Variants in TMEM47 observed in about 807,000 individuals in gnomAD.
TMEM47 encodes brain cell membrane protein 1.
Under a neutral mutation model 12.4 loss-of-function variants are expected in TMEM47, and 3 were observed. The observed-to-expected ratio is 0.24, with a 90% CI of 0.11 to 0.63. The LOEUF is 0.63. Among genes scored for constraint, TMEM47 ranks in the 20% least tolerant of loss-of-function variants. TMEM47 has a pLI of 0.86. For synonymous variants in TMEM47, 62 were observed against 63.3 expected (o/e 0.98, Z 0.10); for missense variants, 89 against 143.8 (o/e 0.62, Z 1.95).
intron 2 of TMEM47, among the ~76,000 whole-genome samples, chrX:34,633,785 C>T (rs1026386479): frequency 2.7e-5 from 3 of 111,074 alleles, no homozygotes; most frequent in Non-Finnish European, 5.7e-5. Context: ...TAATTTCCCT[C>T]TAGTGGAAAA....
intron 2 of TMEM47, 139 bp downstream of exon 2, chrX:34,639,108 A>C: frequency 2.6e-6 from 2 of 763,375 alleles, no homozygotes; most frequent in Non-Finnish European, 3.7e-6. Flanking sequence ...CCTTTAGCCA[A>C]GTTACCTTAA....
Position 34,628,356 on chromosome X carries a change from C to A in TMEM47, c.*1957G>T, listed in dbSNP as rs1921546929. The A allele has an allele frequency of 8.9e-6, 1 of 111,751 alleles. No homozygotes were observed. Among genetic ancestry groups the A allele is most frequent in the East Asian group, 2.8e-4 (1 of 3,551 alleles). 9.2% of individuals were successfully genotyped at this position (111,751 alleles called of 1,213,427 possible). On this transcript the variant is annotated 3_prime_UTR_variant, in exon 3 of 3. Transcript: ENST00000275954. ...GCTTCAAAAGACTCTATAATACTATCTTTCTGGAGAATTTCCACTCATAAT... is the reference window on the plus strand; with the variant it reads ...GCTTCAAAAGACTCTATAATACTATATTTCTGGAGAATTTCCACTCATAAT...
chrX:34,635,864 C>T (rs1921706600), intron 2 of TMEM47, among the ~76,000 whole-genome samples: 1 of 111,047 alleles, frequency 9.0e-6, no homozygotes, highest in Non-Finnish European at 1.9e-5. Context: ...AATTTAAAGG[C>T]AAAGGTTGAT....
intron 2 of TMEM47, among the ~76,000 whole-genome samples, chrX:34,637,114 C>T (rs915427204): frequency 9.0e-6 from 1 of 111,526 alleles, no homozygotes; most frequent in Non-Finnish European, 1.9e-5. Flanking sequence ...GTGTCTAGCA[C>T]GTGGCACATG....
In TMEM47 at chrX:34,630,394, C is replaced by T; in HGVS notation, c.465G>A (p.Leu155=). The T allele has an allele frequency of 8.3e-7, 1 of 1,210,687 alleles. No homozygotes were observed. The highest frequency in any genetic ancestry group is 1.1e-6 in the Non-Finnish European group (1 of 894,920). ...ACGAAAATATAGTTGCACCCCAGGCCAGGCCATAACCCCAGTTGAACTCAT... is the reference window on the plus strand; with the variant it reads ...ACGAAAATATAGTTGCACCCCAGGCTAGGCCATAACCCCAGTTGAACTCAT... ...IYHEFNWGYG[L]AWGATIFSFG... is the part of the protein sequence containing the mutation. The change falls in exon 3 of 3, where the codon CTG becomes CTA. Residue 155 remains leucine, a synonymous_variant. Transcript: ENST00000275954.
chrX:34,632,632 C>A (rs1283506978), intron 2 of TMEM47, among the ~76,000 whole-genome samples: 1 of 111,696 alleles, frequency 9.0e-6, no homozygotes, highest in Non-Finnish European at 1.9e-5. Flanking sequence ...CTTTGCCTAC[C>A]ATTACTACTG....
At chrX:34,649,406 G>C (rs905157381) in intron 1 of TMEM47, among the ~76,000 whole-genome samples, 6 of 111,467 alleles carry the variant, frequency 5.4e-5, no homozygotes, top group African/African-American at 1.6e-4. Flanking sequence ...TGGGAACATG[G>C]AAGGAGCTGG....
At chrX:34,649,507 G>A (rs1921976158) in intron 1 of TMEM47, among the ~76,000 whole-genome samples, 1 of 110,469 alleles carries the variant, frequency 9.1e-6, no homozygotes, top group African/African-American at 3.3e-5. Context: ...ATGAGAACTC[G>A]TGAACACAAA....
intron 2 of TMEM47, among the ~76,000 whole-genome samples, chrX:34,634,525 C>T (rs1001588629): frequency 5.3e-5 from 6 of 112,340 alleles, no homozygotes; most frequent in African/African-American, 1.9e-4. Flanking sequence ...ACATGGCCCT[C>T]GCCCTTTGAT....
At chrX:34,634,484 C>CTGT (rs34584128) in intron 2 of TMEM47, among the ~76,000 whole-genome samples, 35,884 of 111,171 alleles carry the variant, frequency 0.32, 4,362 homozygotes, top group East Asian at 0.65. Context: ...TGGGTGCCTA[C>CTGT]GTGCTAGATG....
intron 1 of TMEM47, among the ~76,000 whole-genome samples, chrX:34,641,394 ACT>A (rs1203131398): frequency 8.9e-6 from 1 of 112,219 alleles, no homozygotes; most frequent in Admixed American, 9.5e-5. Flanking sequence ...AACGATTATT[ACT>A]GTTAGCAACT....
rs886121524 is a variant in TMEM47 at position 34,628,867 on chromosome X, G to T, written c.*1446C>A. On this transcript the variant is annotated 3_prime_UTR_variant, in exon 3 of 3. Coordinates refer to ENST00000275954, the MANE Select transcript of TMEM47 (RefSeq NM_031442.4). ...GCTATCCAAATTTGTATATTAAACA[G>T]AATTAACACAAGTTTGCAGCATGAG... 1.8e-5 allele frequency: 2 copies of T among 111,083 alleles called. No homozygotes were observed. Among genetic ancestry groups the T allele is most frequent in the Non-Finnish European group, 3.8e-5 (2 of 52,986 alleles). The allele number at this position is 111,083 out of a possible 1,213,427, so 9.2% of individuals were successfully genotyped here. A position where few individuals can be genotyped will look rare whatever the true frequency, so the allele number is the denominator to read the frequency against.
rs1444918037 is a variant in TMEM47 at position 34,628,743 on chromosome X, C to T, written c.*1570G>A. ...GCTTCTTTCTGCAAGAGGGCCAAAA[C>T]CAGAACATACTGTTTTAGTGTCTTT... On this transcript the variant is annotated 3_prime_UTR_variant, in exon 3 of 3. Transcript: ENST00000275954. The T allele has an allele frequency of 3.6e-5, 4 of 111,127 alleles. No homozygotes were observed. Among genetic ancestry groups the T allele is most frequent in the African/African-American group, 1.3e-4 (4 of 30,579 alleles). 9.2% of individuals were successfully genotyped at this position (111,127 alleles called of 1,213,427 possible).
At position 34,637,821 on chromosome X, in the gene TMEM47, G is replaced by T. The variant is rs757355686; in HGVS notation, c.367+1426C>A. Among the ~76,000 whole-genome samples the T allele has an allele frequency of 7.2e-5, 8 of 111,087 alleles. No homozygotes were observed. In the East Asian group the frequency reaches 2.3e-3, roughly 32 times the overall value. ...GCGGTAGTAGTAATGTGTCTGTTTT[G>T]ATTTTATGTACTGCACATGTCTCGG... On this transcript the variant is annotated intron_variant, in intron 2 of 2. Coordinates refer to ENST00000275954, the MANE Select transcript of TMEM47 (RefSeq NM_031442.4).
intron 1 of TMEM47, among the ~76,000 whole-genome samples, chrX:34,655,755 T>G (rs984683953): frequency 9.6e-6 from 1 of 104,107 alleles, no homozygotes; most frequent in Non-Finnish European, 2.0e-5. Flanking sequence ...TGTGTGTGTG[T>G]GAGTCTGTGT....
intron 1 of TMEM47, among the ~76,000 whole-genome samples, chrX:34,646,577 A>G (rs916336709): frequency 8.9e-6 from 1 of 112,010 alleles, no homozygotes; most frequent in Non-Finnish European, 1.9e-5. Context: ...GGTATTTTGA[A>G]CATTGTTCTT....
Position 34,630,258 on chromosome X carries a change from G to T in TMEM47, c.*55C>A. On this transcript the variant is annotated 3_prime_UTR_variant, in exon 3 of 3. Coordinates refer to ENST00000275954, the MANE Select transcript of TMEM47 (RefSeq NM_031442.4). ...AAAATAGTAAGTTAGAAAAGATGCA[G>T]ACGTAATCCTTTTGTTGGATGGTGG... 9.3e-7 allele frequency: 1 copy of T among 1,072,797 alleles called. No homozygotes were observed. The highest frequency in any genetic ancestry group is 2.5e-5 in the South Asian group (1 of 40,568). The allele number at this position is 1,072,797 out of a possible 1,213,427, so 88.4% of individuals were successfully genotyped here.
At chrX:34,650,161 C>A (rs1921990836) in intron 1 of TMEM47, among the ~76,000 whole-genome samples, 1 of 112,165 alleles carries the variant, frequency 8.9e-6, no homozygotes, top group Non-Finnish European at 1.9e-5. Context: ...ACATATAATT[C>A]TATTTTCAGA....
chrX:34,643,335 A>C (rs1284519895), intron 1 of TMEM47, among the ~76,000 whole-genome samples: 4 of 111,271 alleles, frequency 3.6e-5, no homozygotes, highest in African/African-American at 1.3e-4. Flanking sequence ...AAGAACATAT[A>C]CATAAGACTT....
Sources: allele counts gnomAD v4.1 joint callset (sites outside exome capture counted in the v4.1 genomes callset), GRCh38; gene constraint gnomAD v4.1.1; transcripts MANE v1.5; gene names NCBI Gene and HGNC (gene_info 2026-07-23, HGNC 2026-07-21).